NTM: variants seen among roughly 807,000 people sequenced by gnomAD.
NTM encodes the protein IgLON family member 2.
A neutral mutation model predicts 42.1 loss-of-function variants in NTM; 13 were observed. The ratio of observed to expected loss-of-function variants is 0.31; its 90% CI spans 0.20 to 0.49. The LOEUF (loss-of-function observed/expected upper bound fraction) is 0.49, where lower values mean the gene tolerates loss of function less well. Ranked by LOEUF, NTM falls within the 20% of genes least tolerant of loss-of-function variation. The pLI is 0.99. For missense variants in NTM, 373 were observed against 452.8 expected (o/e 0.82, Z 1.60); for synonymous variants, 187 against 179.2 (o/e 1.04, Z -0.35).
intron 1 of NTM, among the ~76,000 whole-genome samples, chr11:131,429,759 G>T (rs1948500431): frequency 2.0e-5 from 3 of 152,118 alleles, no homozygotes; most frequent in Admixed American, 2.0e-4. Context: ...TGCTCACACA[G>T]TGTTGCGCTA....
intron 2 of NTM, among the ~76,000 whole-genome samples, chr11:132,079,932 T>A (rs948545631): frequency 6.6e-6 from 1 of 152,188 alleles, no homozygotes; most frequent in African/African-American, 2.4e-5. Flanking sequence ...TCTCTTGTAA[T>A]TCTGTAGTTG....
At position 131,502,528 on chromosome 11, in the gene NTM, C is replaced by T. The variant is rs553653230; in HGVS notation, c.82+131640C>T. ...CAGGAGCTGGGAGCGGGGGAAAGTG[C>T]TATCACAGAGGCAAGTTGACGAGGG... On this transcript the variant is annotated intron_variant, in intron 1 of 8. Coordinates refer to ENST00000683400, the MANE Select transcript of NTM (RefSeq NM_001352005.2). Among the ~76,000 whole-genome samples, 558 of 152,154 alleles carry T rather than the reference C, an allele frequency of 3.7e-3. 5 individuals carry two copies. The highest frequency in any genetic ancestry group is 0.013 in the African/African-American group (523 of 41,504).
chr11:131,885,876 G>A (rs2050311149), intron 1 of NTM, among the ~76,000 whole-genome samples: 1 of 152,196 alleles, frequency 6.6e-6, no homozygotes. Flanking sequence ...CCAGAGAGGT[G>A]TAGTTGATGA....
intron 1 of NTM, among the ~76,000 whole-genome samples, chr11:131,391,844 C>T (rs1273343037): frequency 6.6e-6 from 1 of 151,646 alleles, no homozygotes; most frequent in South Asian, 2.1e-4. Flanking sequence ...TATATAGGGT[C>T]CAAGCCAGGG....
intron 3 of NTM, among the ~76,000 whole-genome samples, chr11:132,204,013 G>A (rs1459646425): frequency 6.6e-6 from 1 of 152,162 alleles, no homozygotes; most frequent in Non-Finnish European, 1.5e-5. Context: ...TGTAAAGTGT[G>A]GGAACTAATT....
At chr11:131,907,546 C>T (rs757703922) in intron 1 of NTM, among the ~76,000 whole-genome samples, 4 of 152,072 alleles carry the variant, frequency 2.6e-5, no homozygotes, top group Non-Finnish European at 5.9e-5. Context: ...TTTTTTATAA[C>T]CTGAAGCAAT....
In NTM at chr11:131,971,495, C is replaced by T. The variant is rs199783282; in HGVS notation, c.167+59847C>T. 2.6e-5 allele frequency among the ~76,000 whole-genome samples: 4 copies of T among 152,198 alleles called. No homozygotes were observed. The East Asian group carries it at 7.8e-4, about 30-fold the overall frequency. ...AGTTGCAGATATTGAAGATATGTGT[C>T]AGTAGATATTGAAGATATGTATCAT... On this transcript the variant is annotated intron_variant, in intron 2 of 8. Transcript: ENST00000683400.
At chr11:131,663,618 G>A (rs1417413365) in intron 1 of NTM, 1 of 152,244 alleles carries the variant, frequency 6.6e-6, no homozygotes, top group East Asian at 1.9e-4. Flanking sequence ...AGCAGAGATG[G>A]AAACAAAGAA....
chr11:131,915,690 C>G (rs990040209), intron 2 of NTM, among the ~76,000 whole-genome samples: 1 of 152,150 alleles, frequency 6.6e-6, no homozygotes, highest in Non-Finnish European at 1.5e-5. Context: ...CACAGTTCCA[C>G]GTGGCTGGGG....
chr11:132,187,240 T>TGTGTGC (rs1420002194), intron 3 of NTM, among the ~76,000 whole-genome samples: 2 of 151,474 alleles, frequency 1.3e-5, no homozygotes, highest in African/African-American at 4.9e-5. Context: ...TGTGTGTGTG[T>TGTGTGC]GTGTGTGCGT....
chr11:132,156,554 G>C (rs2073232529), intron 3 of NTM, among the ~76,000 whole-genome samples: 1 of 152,182 alleles, frequency 6.6e-6, no homozygotes, highest in South Asian at 2.1e-4. Context: ...TTTTTTCTGA[G>C]GTCAGGGGGC....
chr11:131,824,492 G>A (rs746406603), intron 1 of NTM, among the ~76,000 whole-genome samples: 12 of 152,316 alleles, frequency 7.9e-5, no homozygotes, highest in East Asian at 5.8e-4. Flanking sequence ...AGTAGAAAGC[G>A]TAAATCCTTA....
chr11:131,523,896 G>A, intron 1 of NTM, among the ~76,000 whole-genome samples: 1 of 152,140 alleles, frequency 6.6e-6, no homozygotes. Context: ...TAGAGAAATG[G>A]GGTGGGTGGG....
At chr11:131,820,330 C>G (rs78512100) in intron 1 of NTM, among the ~76,000 whole-genome samples, 5,264 of 152,218 alleles carry the variant, frequency 0.035, 309 homozygotes, top group African/African-American at 0.12. Flanking sequence ...CAGGAGTCCT[C>G]CAAGATTCTG....
At chr11:131,376,829 C>A (rs1249365047) in intron 1 of NTM, among the ~76,000 whole-genome samples, 1 of 152,188 alleles carries the variant, frequency 6.6e-6, no homozygotes, top group African/African-American at 2.4e-5. Context: ...CTCACCCTAA[C>A]ACCAAATCCA....
chr11:132,099,379 G>A (rs1255179461), intron 2 of NTM, among the ~76,000 whole-genome samples: 1 of 152,044 alleles, frequency 6.6e-6, no homozygotes, highest in Admixed American at 6.6e-5. Flanking sequence ...TTCTTCTGAT[G>A]TTCAATATAT....
chr11:131,845,936 C>A (rs1052018073), intron 1 of NTM, among the ~76,000 whole-genome samples: 8 of 152,022 alleles, frequency 5.3e-5, no homozygotes, highest in Non-Finnish European at 1.2e-4. Context: ...TGGAGCATTT[C>A]CTGTTTTTAT....
intron 2 of NTM, among the ~76,000 whole-genome samples, chr11:131,938,383 G>A (rs2059449761): frequency 6.6e-6 from 1 of 152,194 alleles, no homozygotes; most frequent in Non-Finnish European, 1.5e-5. Flanking sequence ...GTATGAAGCT[G>A]TGTGGCTGAA....
chr11:131,874,065 A>ATATATATCTATC (rs1565659857), intron 1 of NTM, among the ~76,000 whole-genome samples: 1 of 60,196 alleles, frequency 1.7e-5, no homozygotes, highest in African/African-American at 4.3e-5. Context: ...ATATATATAT[A>ATATATATCTATC]TATCAGCAAC....
Sources: allele counts gnomAD v4.1 joint callset (sites outside exome capture counted in the v4.1 genomes callset), GRCh38; gene constraint gnomAD v4.1.1; transcripts MANE v1.5; gene names NCBI Gene and HGNC (gene_info 2026-07-23, HGNC 2026-07-21).